SIRPG: variants seen among roughly 807,000 people sequenced by gnomAD.
SIRPG encodes signal regulatory protein gamma, also known as signal-regulatory protein gamma.
A neutral mutation model predicts 35.7 loss-of-function variants in SIRPG; 38 were observed. The observed-to-expected ratio is 1.06, with a 90% CI of 0.82 to 1.40. The LOEUF is 1.40. Among genes scored for constraint, SIRPG ranks in the 40% most tolerant of loss-of-function variants. The pLI is 0.00. For synonymous variants in SIRPG, 215 were observed against 190.4 expected (o/e 1.13, Z -1.06); for missense variants, 519 against 483.0 (o/e 1.07, Z -0.70).
the SIRPG span, among the ~76,000 whole-genome samples, chr20:1,665,711 C>T: frequency 6.6e-6 from 1 of 152,182 alleles, no homozygotes; most frequent in Non-Finnish European, 1.5e-5. Flanking sequence ...AGAAGAGCCT[C>T]ACAACTTAGT....
chr20:1,663,502 G>A, the SIRPG span, among the ~76,000 whole-genome samples: 2 of 152,186 alleles, frequency 1.3e-5, no homozygotes, highest in African/African-American at 4.8e-5. Context: ...ACAGCCAACT[G>A]TCAAACTTTA....
chr20:1,682,730 A>G, the SIRPG span, among the ~76,000 whole-genome samples: 1 of 152,232 alleles, frequency 6.6e-6, no homozygotes, highest in Non-Finnish European at 1.5e-5. Context: ...TGGATTAAAG[A>G]CTTAAATGTA....
At chr20:1,663,718 C>T in the SIRPG span, among the ~76,000 whole-genome samples, 1 of 152,220 alleles carries the variant, frequency 6.6e-6, no homozygotes, top group African/African-American at 2.4e-5. Context: ...AAAAAGAAAT[C>T]AAAGAGGACT....
chr20:1,647,645 T>C (rs1487642253), intron 2 of SIRPG: 1 of 152,236 alleles, frequency 6.6e-6, no homozygotes, highest in Non-Finnish European at 1.5e-5. Context: ...ACAACTTACA[T>C]ACCCATCAAC....
chr20:1,654,200 C>T (rs1164844939), intron 1 of SIRPG, among the ~76,000 whole-genome samples: 2 of 149,860 alleles, frequency 1.3e-5, no homozygotes, highest in Admixed American at 1.3e-4. Context: ...GATCACACCA[C>T]TGCACTCCAG....
intron 2 of SIRPG, among the ~76,000 whole-genome samples, chr20:1,645,501 C>A (rs1327483961): frequency 6.6e-6 from 1 of 152,196 alleles, no homozygotes; most frequent in Non-Finnish European, 1.5e-5. Context: ...ATCCTTGAGG[C>A]CTGGAGGAGC....
chr20:1,641,170 T>C (rs893680639), intron 2 of SIRPG, among the ~76,000 whole-genome samples: 6 of 152,332 alleles, frequency 3.9e-5, no homozygotes, highest in African/African-American at 1.4e-4. Flanking sequence ...TTTGGAATAG[T>C]TTCAGAAGGA....
intron 1 of SIRPG, 64 bp from the exon 2 acceptor site, chr20:1,649,472 A>G (rs985566723): frequency 1.4e-6 from 2 of 1,431,908 alleles, no homozygotes; most frequent in Non-Finnish European, 1.9e-6. Flanking sequence ...CCTCATGTTT[A>G]TCAAAGATAT....
chr20:1,635,535 G>T lies in SIRPG; in HGVS notation c.813C>A (p.Cys271Ter). The T allele has an allele frequency of 6.2e-7, 1 of 1,614,126 alleles. No individual in the cohort carries two copies. Among genetic ancestry groups the T allele is most frequent in the Non-Finnish European group, 8.5e-7 (1 of 1,180,002 alleles). The change falls in exon 4 of 6, where the codon TGC becomes TGA. Residue 271 changes from cysteine to a stop codon, truncating the protein, a stop_gained. Transcript: ENST00000303415. LOFTEE classifies it high-confidence loss of function. The stretch of plus-strand genomic sequence containing the variant: ...TCTGGGGGTAGAACTTCCTCACCTG[G>T]CAGGTGACGTTTACCTGGTTCCCCA... ...MRVGNQVNVT[C>*]QVRKFYPQSL... is the part of the protein sequence containing the mutation.
the SIRPG span, among the ~76,000 whole-genome samples, chr20:1,672,353 G>T: frequency 3.6e-4 from 55 of 152,144 alleles, 1 homozygote; most frequent in East Asian, 8.5e-3. Context: ...ATTCCAGCAG[G>T]ATCTGTGAAA....
In SIRPG at chr20:1,649,127, A is replaced by T. The variant is rs751880933; in HGVS notation, c.355T>A (p.Cys119Ser). Residue 119 changes from cysteine to serine, a missense_variant, in exon 2 of 6, where the codon TGT becomes AGT. Physicochemically the swap from Cys to Ser is moderately radical, Grantham distance 112. Coordinates refer to ENST00000303415, the MANE Select transcript of SIRPG (RefSeq NM_018556.4). The part of the protein sequence containing the change: ...ITPADVGTYY[C>S]VKFRKGSPEN... ...GGGCTCCCTTTTCGAAACTTCACAC[A>T]GTAGTATGTGCCGACATCTGCTGGG... 6.2e-7 allele frequency: 1 copy of T among 1,613,950 alleles called. No individual in the cohort carries two copies. Among genetic ancestry groups the T allele is most frequent in the Admixed American group, 1.7e-5 (1 of 60,010 alleles).
chr20:1,632,346 C>T (rs1048454128), intron 4 of SIRPG, among the ~76,000 whole-genome samples: 21 of 152,168 alleles, frequency 1.4e-4, no homozygotes, highest in African/African-American at 5.1e-4. Flanking sequence ...GAACACTCAC[C>T]TAACCCTAGT....
At chr20:1,678,270 C>A in the SIRPG span, among the ~76,000 whole-genome samples, 654 of 152,180 alleles carry the variant, frequency 4.3e-3, 2 homozygotes, top group African/African-American at 0.015. Flanking sequence ...GATGCTAGAC[C>A]AAGATGTTAA....
upstream of SIRPG, among the ~76,000 whole-genome samples, chr20:1,658,171 A>G (rs577759055): frequency 6.6e-5 from 10 of 152,282 alleles, no homozygotes; most frequent in South Asian, 1.9e-3. Flanking sequence ...TGGACGTAGG[A>G]GAAGAGTTCA....
chr20:1,659,814 C>T (rs1209459000), upstream of SIRPG, among the ~76,000 whole-genome samples: 1 of 152,226 alleles, frequency 6.6e-6, no homozygotes, highest in Non-Finnish European at 1.5e-5. Context: ...CAATTAGGAG[C>T]AGCCCTCATA....
chr20:1,645,607 G>A (rs956751121), intron 2 of SIRPG, among the ~76,000 whole-genome samples: 3 of 152,140 alleles, frequency 2.0e-5, no homozygotes, highest in African/African-American at 7.2e-5. Context: ...CATGTTACAC[G>A]ATTTAACTCC....
chr20:1,647,320 T>A (rs2091905101), intron 2 of SIRPG: 2 of 152,388 alleles, frequency 1.3e-5, no homozygotes, highest in South Asian at 4.1e-4. Context: ...TACTAGGAGT[T>A]AGCATATCTG....
chr20:1,636,492 G>A lies in SIRPG; in HGVS notation c.444C>T (p.Ala148=), dbSNP rs767063503. Residue 148 remains alanine (A), a synonymous_variant, in exon 3 of 6, where the codon GCC becomes GCT. Transcript: ENST00000303415. ...TEMALGAKPS[A]PVVLGPAART... is the part of the protein sequence containing the mutation. ...TCGCCGCAGGGCCCAATACCACGGG[G>A]GCAGAGGGTTTGGCTACAAAAGGGG... 12 of 1,614,136 alleles carry A rather than the reference G, an allele frequency of 7.4e-6. No homozygotes were observed. In the East Asian group the frequency reaches 8.9e-5, roughly 12 times the overall value.
intron 4 of SIRPG, among the ~76,000 whole-genome samples, chr20:1,631,430 C>T (rs2091749183): frequency 6.6e-6 from 1 of 152,198 alleles, no homozygotes; most frequent in Admixed American, 6.5e-5. Context: ...ACATGACGCT[C>T]TCAGCCCTTG....
Sources: gnomAD v4.1 joint callset for allele counts (sites outside exome capture counted in the v4.1 genomes callset) on GRCh38, gnomAD v4.1.1 for gene constraint, MANE v1.5 for transcripts, NCBI Gene and HGNC (gene_info 2026-07-23, HGNC 2026-07-21) for gene names.